ADAMTSL1: variants seen among roughly 807,000 people sequenced by gnomAD.
ADAMTSL1 encodes ADAMTS-like protein 1.
In ADAMTSL1, 126 loss-of-function variants were observed where a neutral mutation model predicts 201.8. That is an observed-to-expected ratio of 0.62 (90% CI 0.54 to 0.72). The LOEUF is 0.72. Ranked by LOEUF, ADAMTSL1 falls within the 30% of genes least tolerant of loss-of-function variation. The pLI, the probability that ADAMTSL1 is intolerant of heterozygous loss-of-function variation, is 0.00. For synonymous variants in ADAMTSL1, 1,121 were observed against 903.4 expected (o/e 1.24, Z -4.32); for missense variants, 2,679 against 2,277.8 (o/e 1.18, Z -3.59).
At chr9:18,881,611 G>T (rs1828539637) in intron 23 of ADAMTSL1, among the ~76,000 whole-genome samples, 1 of 152,168 alleles carries the variant, frequency 6.6e-6, no homozygotes, top group Non-Finnish European at 1.5e-5. Flanking sequence ...AGATAATAAT[G>T]AAAAGTTTTG....
intron 1 of ADAMTSL1, among the ~76,000 whole-genome samples, chr9:18,102,380 C>T (rs1297033057): frequency 6.6e-6 from 1 of 152,080 alleles, no homozygotes; most frequent in Non-Finnish European, 1.5e-5. Flanking sequence ...GCCTGAGAAA[C>T]AGACATGGTA....
chr9:18,884,249 G>C (rs542251607), intron 23 of ADAMTSL1, among the ~76,000 whole-genome samples: 11 of 152,134 alleles, frequency 7.2e-5, no homozygotes, highest in Admixed American at 2.0e-4. Context: ...TGCTTATTTG[G>C]GCATTTGCCT....
At chr9:18,052,781 G>C (rs1436626342) in intron 1 of ADAMTSL1, among the ~76,000 whole-genome samples, 2 of 151,398 alleles carry the variant, frequency 1.3e-5, no homozygotes, top group Non-Finnish European at 2.9e-5. Context: ...GCTGTGTTTT[G>C]TACTAGAGTG....
chr9:18,899,577 G>C (rs1035321873), intron 26 of ADAMTSL1, among the ~76,000 whole-genome samples: 1 of 152,044 alleles, frequency 6.6e-6, no homozygotes, highest in African/African-American at 2.4e-5. Context: ...GGAGGGTACC[G>C]GTATAAGAAC....
rs561781494 is a variant in ADAMTSL1 at position 18,271,032 on chromosome 9, C to CATT, written c.207+107053_207+107055dup. Among the ~76,000 whole-genome samples the CATT allele has an allele frequency of 5.7e-3, 863 of 152,212 alleles. 4 individuals carry two copies. The highest frequency in any genetic ancestry group is 8.1e-3 in the Admixed American group (124 of 15,290). ...AAGGCTACCCAACTGGGAGCACCTA[C>CATT]ATTAGTCTGCATCATGAGCAAGAAA... is the stretch of plus-strand genomic sequence containing the variant. On this transcript the variant is annotated intron_variant, in intron 2 of 29. Transcript: ENST00000680146.
intron 2 of ADAMTSL1, among the ~76,000 whole-genome samples, chr9:18,324,180 T>G (rs546202128): frequency 5.3e-5 from 8 of 152,304 alleles, no homozygotes; most frequent in African/African-American, 1.7e-4. Flanking sequence ...ATTTACTTTT[T>G]ACAAAATCAT....
intron 5 of ADAMTSL1, among the ~76,000 whole-genome samples, chr9:18,626,827 TTC>T (rs892289167): frequency 4.9e-5 from 7 of 142,118 alleles, no homozygotes; most frequent in Middle Eastern, 3.6e-3. Flanking sequence ...CTTTCTTTCT[TTC>T]TTACTTTCTT....
intron 2 of ADAMTSL1, among the ~76,000 whole-genome samples, chr9:18,179,971 C>G (rs1240549463): frequency 6.6e-6 from 1 of 151,780 alleles, no homozygotes; most frequent in Non-Finnish European, 1.5e-5. Flanking sequence ...CATCAACTAA[C>G]AAGCAAAATA....
chr9:17,949,927 C>CT (rs1248148256), intron 1 of ADAMTSL1, among the ~76,000 whole-genome samples: 2 of 151,160 alleles, frequency 1.3e-5, no homozygotes, highest in East Asian at 1.9e-4. Context: ...TACCGTAGTG[C>CT]TTTTTTTTTG....
intron 1 of ADAMTSL1, among the ~76,000 whole-genome samples, chr9:17,940,267 T>C (rs13295541): frequency 0.094 from 14,369 of 152,072 alleles, 818 homozygotes; most frequent in South Asian, 0.19. Context: ...AGAGGGTAGA[T>C]TTGAGAAAAG....
intron 2 of ADAMTSL1, among the ~76,000 whole-genome samples, chr9:18,423,278 T>C (rs1819045609): frequency 6.6e-6 from 1 of 152,174 alleles, no homozygotes; most frequent in Non-Finnish European, 1.5e-5. Flanking sequence ...AAATCATAAA[T>C]TACCCAGAAC....
rs201453808 is a variant in ADAMTSL1 at position 18,321,816 on chromosome 9, C to CA, written c.207+157843dup. On this transcript the variant is annotated intron_variant, in intron 2 of 29. Transcript: ENST00000680146. ...TCAAAAAAACCAAAACAAAACAAAA[C>CA]AAAAAAAACACAGTTTTAAGTGCAT... is the stretch of plus-strand genomic sequence containing the variant. Among the ~76,000 whole-genome samples, 996 of 151,688 alleles carry CA rather than the reference C, an allele frequency of 6.6e-3. 8 individuals carry two copies. The highest frequency in any genetic ancestry group is 0.022 in the African/African-American group (925 of 41,362).
At chr9:18,047,387 A>G (rs1438839602) in intron 1 of ADAMTSL1, among the ~76,000 whole-genome samples, 1 of 152,172 alleles carries the variant, frequency 6.6e-6, no homozygotes, top group Non-Finnish European at 1.5e-5. Context: ...TGGGTAAAGG[A>G]CAGGTATACT....
At chr9:18,774,529 A>G (rs1002972662) in intron 17 of ADAMTSL1, among the ~76,000 whole-genome samples, 64 of 152,220 alleles carry the variant, frequency 4.2e-4, no homozygotes, top group African/African-American at 1.5e-3. Flanking sequence ...TCCCTAGTGT[A>G]CTATAAGCAT....
intron 1 of ADAMTSL1, among the ~76,000 whole-genome samples, chr9:18,123,560 C>T (rs902541300): frequency 2.0e-5 from 3 of 152,076 alleles, no homozygotes; most frequent in African/African-American, 7.2e-5. Context: ...CATAGATCAC[C>T]TTTCCTTCAG....
intron 2 of ADAMTSL1, among the ~76,000 whole-genome samples, chr9:18,257,428 C>T (rs1420684058): frequency 6.6e-6 from 1 of 151,882 alleles, no homozygotes. Context: ...GCTCAACACC[C>T]CAGTTATTAG....
intron 23 of ADAMTSL1, among the ~76,000 whole-genome samples, chr9:18,874,900 CT>C (rs113636757): frequency 0.061 from 9,277 of 151,654 alleles, 487 homozygotes; most frequent in South Asian, 0.14. Flanking sequence ...TGGTCCTGGA[CT>C]TTTTTTTGTT....
chr9:18,824,521 T>A (rs1459071453), intron 21 of ADAMTSL1, among the ~76,000 whole-genome samples: 2 of 152,114 alleles, frequency 1.3e-5, no homozygotes, highest in Non-Finnish European at 2.9e-5. Context: ...CACAGGCAAC[T>A]CTTTGAAGAC....
intron 2 of ADAMTSL1, among the ~76,000 whole-genome samples, chr9:18,254,652 C>G (rs1341756941): frequency 1.4e-5 from 2 of 145,530 alleles, no homozygotes; most frequent in South Asian, 2.2e-4. Context: ...CGTGAGCCAC[C>G]GCGCCTGCCC....
Sources: allele counts gnomAD v4.1 joint callset (sites outside exome capture counted in the v4.1 genomes callset), GRCh38; gene constraint gnomAD v4.1.1; transcripts MANE v1.5; gene names NCBI Gene and HGNC (gene_info 2026-07-23, HGNC 2026-07-21).